Variants in CCNY observed in about 807,000 individuals in gnomAD.
The protein encoded by CCNY is cyclin Y, also known as cyclin-Y.
A neutral mutation model predicts 42.8 loss-of-function variants in CCNY; 19 were observed. The ratio of observed to expected loss-of-function variants is 0.44; its 90% CI spans 0.31 to 0.65. The LOEUF (loss-of-function observed/expected upper bound fraction) is 0.65, where lower values mean the gene tolerates loss of function less well. Ranked by LOEUF, CCNY falls within the 30% of genes least tolerant of loss-of-function variation. The pLI, the probability that CCNY is intolerant of heterozygous loss-of-function variation, is 0.07. For missense variants in CCNY, 370 were observed against 437.3 expected, an observed-to-expected ratio of 0.85 and a Z score of 1.37; for synonymous variants, 165 against 162.7, an observed-to-expected ratio of 1.01 and a Z score of -0.11.
At chr10:35,472,997 G>GA (rs1260515464) in intron 1 of CCNY, among the ~76,000 whole-genome samples, 13 of 150,778 alleles carry the variant, frequency 8.6e-5, no homozygotes, top group South Asian at 2.1e-4. Flanking sequence ...GCCTTGCTAG[G>GA]AAAAAAAAAG....
upstream of CCNY, among the ~76,000 whole-genome samples, chr10:35,331,791 T>C (rs1463119926): frequency 6.6e-6 from 1 of 152,216 alleles, no homozygotes; most frequent in Non-Finnish European, 1.5e-5. Context: ...GGTGGAATTT[T>C]AGGTATATGC....
Position 35,304,311 on chromosome 10 carries a change from A to AT in CCNY, c.-9+53691dup, listed in dbSNP as rs1233409039. Among the ~76,000 whole-genome samples, 74 of 47,532 alleles carry AT rather than the reference A, an allele frequency of 1.6e-3. 9 individuals are homozygous for AT. The highest frequency in any genetic ancestry group is 0.011 in the Middle Eastern group (1 of 94). 31.2% of individuals were successfully genotyped at this position (47,532 alleles called of 152,430 possible). ...CTCCTTTTATTTTTTTTTTTTTTTTATTTTTTATTTTTTTTTGAGACGGAG... is the reference window on the plus strand; with the variant it reads ...CTCCTTTTATTTTTTTTTTTTTTTTATTTTTTTATTTTTTTTTGAGACGGAG... On this transcript the variant is annotated intron_variant, in intron 3 of 11. Coordinates refer to the CCNY transcript ENST00000374706.
At chr10:35,340,080 A>G (rs1368012000) in intron 1 of CCNY, among the ~76,000 whole-genome samples, 1 of 152,150 alleles carries the variant, frequency 6.6e-6, no homozygotes, top group Non-Finnish European at 1.5e-5. Context: ...GATTCCATTC[A>G]TTTACTTAGA....
At chr10:35,338,957 G>A (rs1360162842) in intron 1 of CCNY, among the ~76,000 whole-genome samples, 1 of 152,212 alleles carries the variant, frequency 6.6e-6, no homozygotes, top group Non-Finnish European at 1.5e-5. Context: ...ATGATATTGT[G>A]TGTTCTTTCA....
chr10:35,352,981 A>G (rs1163749358), intron 1 of CCNY, among the ~76,000 whole-genome samples: 1 of 152,114 alleles, frequency 6.6e-6, no homozygotes, highest in Admixed American at 6.5e-5. Context: ...ACTGGAGTGC[A>G]GTGGTGAGAT....
At chr10:35,314,443 A>G (rs1013527870) in intron 3 of CCNY, 2 of 152,164 alleles carry the variant, frequency 1.3e-5, no homozygotes, top group African/African-American at 4.8e-5. Context: ...TGCCCCCATG[A>G]TTCAATTATC....
rs1038652454 is a variant in CCNY, at chr10:35,572,260, G to C, written c.*3090G>C. On this transcript the variant is annotated 3_prime_UTR_variant, in exon 10 of 10. Transcript: ENST00000374704. ...TGCTTTTGGTAACTTCTCACCTGGG[G>C]CCATATTTTACAGATTTGAATTTTT... 6.6e-6 allele frequency: 1 copy of C among 152,046 alleles called. No homozygotes were observed. The highest frequency in any genetic ancestry group is 1.5e-5 in the Non-Finnish European group (1 of 68,054). 9.4% of individuals were successfully genotyped at this position (152,046 alleles called of 1,614,324 possible). A position where few individuals can be genotyped will look rare whatever the true frequency, so the allele number is the denominator to read the frequency against.
intron 1 of CCNY, among the ~76,000 whole-genome samples, chr10:35,342,941 T>C (rs1836215246): frequency 6.6e-6 from 1 of 152,070 alleles, no homozygotes; most frequent in Non-Finnish European, 1.5e-5. Context: ...TTCATAGTTA[T>C]TGCCTATATG....
At chr10:35,465,309 G>A (rs531798355) in intron 1 of CCNY, among the ~76,000 whole-genome samples, 1 of 151,312 alleles carries the variant, frequency 6.6e-6, no homozygotes, top group Non-Finnish European at 1.5e-5. Context: ...GCTGGGGTCC[G>A]AGCACCGATA....
intron 7 of CCNY, among the ~76,000 whole-genome samples, chr10:35,538,904 T>C (rs1399807663): frequency 1.3e-5 from 2 of 152,240 alleles, no homozygotes; most frequent in Admixed American, 6.5e-5. Flanking sequence ...TTAGGAGTTT[T>C]ATAAATGTAG....
intron 7 of CCNY, among the ~76,000 whole-genome samples, chr10:35,548,072 C>T (rs1478104671): frequency 6.6e-6 from 1 of 152,058 alleles, no homozygotes; most frequent in East Asian, 1.9e-4. Flanking sequence ...TGGAACCCTG[C>T]ACAGTTGAAA....
intron 1 of CCNY, among the ~76,000 whole-genome samples, chr10:35,438,317 T>TA (rs200367927): frequency 3.7e-5 from 5 of 134,758 alleles, no homozygotes; most frequent in Admixed American, 7.9e-5. Context: ...CCTGACTAAT[T>TA]AAAAAAAAAA....
At chr10:35,372,616 G>T (rs555574068) in intron 1 of CCNY, among the ~76,000 whole-genome samples, 7 of 152,294 alleles carry the variant, frequency 4.6e-5, no homozygotes, top group African/African-American at 1.7e-4. Flanking sequence ...CTGGGCATCA[G>T]CCCTTCCTGC....
intron 1 of CCNY, among the ~76,000 whole-genome samples, chr10:35,343,598 C>G (rs1836235246): frequency 6.6e-6 from 1 of 151,800 alleles, no homozygotes; most frequent in Admixed American, 6.6e-5. Flanking sequence ...CCATGTTGGC[C>G]AGGCCGATCT....
rs1292216703 is a variant in CCNY at position 35,516,667 on chromosome 10, T to TCC, written c.365+44_365+45insCC. 1.6e-5 allele frequency: 14 copies of TCC among 893,766 alleles called. No homozygotes were observed. In the African/African-American group the frequency reaches 2.5e-4, roughly 16 times the overall value. 55.4% of individuals were successfully genotyped at this position (893,766 alleles called of 1,614,324 possible). On this transcript the variant is annotated intron_variant, in intron 4 of 9. Coordinates refer to ENST00000374704, the MANE Select transcript of CCNY (RefSeq NM_145012.6). ...TTCCTTCCTTCCTTCCTTCCTTTTT[T>TCC]TTTTTTTTTTTTTTTTTTTTTACTT... is the stretch of plus-strand genomic sequence containing the variant.
chr10:35,368,435 C>CT (rs1478239416), intron 1 of CCNY, among the ~76,000 whole-genome samples: 6 of 152,294 alleles, frequency 3.9e-5, no homozygotes, highest in Admixed American at 1.3e-4. Context: ...TAAAATTAAA[C>CT]TTTTTTGCCA....
intron 8 of CCNY, among the ~76,000 whole-genome samples, chr10:35,563,572 G>A (rs996468415): frequency 1.3e-5 from 2 of 152,156 alleles, no homozygotes; most frequent in African/African-American, 4.8e-5. Context: ...CAGGGCCTCT[G>A]ACGCTTTCGT....
At chr10:35,480,308 A>G (rs1839638126) in intron 1 of CCNY, among the ~76,000 whole-genome samples, 1 of 152,120 alleles carries the variant, frequency 6.6e-6, no homozygotes, top group South Asian at 2.1e-4. Flanking sequence ...CTCACCTTTC[A>G]TAGGGAGAGT....
At chr10:35,512,649 T>C (rs1833094372) in intron 3 of CCNY, among the ~76,000 whole-genome samples, 1 of 151,998 alleles carries the variant, frequency 6.6e-6, no homozygotes, top group South Asian at 2.1e-4. Context: ...GAGGGACTAA[T>C]TAGTTCTGGC....
Sources: allele counts gnomAD v4.1 joint callset (sites outside exome capture counted in the v4.1 genomes callset), GRCh38; gene constraint gnomAD v4.1.1; transcripts MANE v1.5; gene names NCBI Gene and HGNC (gene_info 2026-07-23, HGNC 2026-07-21).